Variants in EMG1 observed in about 807,000 individuals in gnomAD.
EMG1 encodes ribosomal RNA small subunit methyltransferase NEP1.
Under a neutral mutation model 26.9 loss-of-function variants are expected in EMG1, and 24 were observed. The ratio of observed to expected loss-of-function variants is 0.89; its 90% CI spans 0.65 to 1.26. The LOEUF (loss-of-function observed/expected upper bound fraction) is 1.26, where lower values mean the gene tolerates loss of function less well. Among genes scored for constraint, EMG1 ranks in the 50% most tolerant of loss-of-function variants. EMG1 has a pLI of 0.00. For missense variants in EMG1, 299 were observed against 307.6 expected, an observed-to-expected ratio of 0.97 and a Z score of 0.21; for synonymous variants, 140 against 112.6, an observed-to-expected ratio of 1.24 and a Z score of -1.54.
downstream of EMG1, among the ~76,000 whole-genome samples, chr12:6,984,136 T>C (rs782815603): frequency 2.6e-5 from 4 of 152,366 alleles, no homozygotes; most frequent in South Asian, 6.2e-4. Flanking sequence ...ACTGCATATA[T>C]AGCAGTTACA....
Position 6,975,116 on chromosome 12 carries a change from C to A in EMG1, c.439C>A (p.Arg147=), listed in dbSNP as rs782181464. Residue 147 remains arginine, a synonymous_variant, in exon 4 of 6, where the codon CGA becomes AGA. Transcript: ENST00000599672. ...MVQLLHKLSV[R]AADGPQKLLK... ...TCAACTTTTACACAAGCTCAGTGTT[C>A]GAGCAGCTGATGGCCCCCAGAAGCT... 1 of 1,613,960 alleles carries A rather than the reference C, an allele frequency of 6.2e-7. No homozygotes were observed. The highest frequency in any genetic ancestry group is 2.2e-5 in the East Asian group (1 of 44,890).
chr12:6,981,581 G>T, downstream of EMG1: 1 of 1,613,694 alleles, frequency 6.2e-7, no homozygotes, highest in Non-Finnish European at 8.5e-7. Context: ...CTCTGCCGAT[G>T]AATGGGTACT....
chr12:6,976,165 G>A lies in EMG1; in HGVS notation c.*356G>A, dbSNP rs1946397360. 5.0e-6 allele frequency: 1 copy of A among 200,204 alleles called. No homozygotes were observed. Among genetic ancestry groups the A allele is most frequent in the Non-Finnish European group, 1.0e-5 (1 of 98,744 alleles). The allele number at this position is 200,204 out of a possible 1,614,324, so 12.4% of individuals were successfully genotyped here. ...TGATGGAGAAGAACTGTGAAAGAGA[G>A]CAGTCAGGAATGCTAGTGGTGAAAA... On this transcript the variant is annotated 3_prime_UTR_variant, in exon 6 of 6. Coordinates refer to ENST00000599672, the MANE Select transcript of EMG1 (RefSeq NM_006331.8).
downstream of EMG1, chr12:6,982,967 T>C: frequency 1.5e-6 from 1 of 668,036 alleles, no homozygotes; most frequent in Non-Finnish European, 2.7e-6. Context: ...TAGGGTGTTA[T>C]TTTATTTCTT....
intron 7 of EMG1, among the ~76,000 whole-genome samples, chr12:6,995,876 GATT>G (rs1555155964): frequency 6.6e-6 from 1 of 151,886 alleles, no homozygotes; most frequent in East Asian, 1.9e-4. Flanking sequence ...ACTATCTCTG[GATT>G]ATTATTATTA....
In EMG1 at chr12:6,975,926, C is replaced by T. The variant is rs951626776; in HGVS notation, c.*117C>T. On this transcript the variant is annotated 3_prime_UTR_variant, in exon 6 of 6. Transcript: ENST00000599672. ...ACTGAGACTGTGGAGTTTGGGGAAG[C>T]CAAGGCTGTACATTTGCTATTTGTT... The T allele has an allele frequency of 4.3e-6, 3 of 690,568 alleles. No individual in the cohort carries two copies. Among genetic ancestry groups the T allele is most frequent in the Non-Finnish European group, 5.2e-6 (2 of 385,790 alleles). 42.8% of individuals were successfully genotyped at this position (690,568 alleles called of 1,614,324 possible).
downstream of EMG1, chr12:6,982,721 C>G (rs1591547505): frequency 6.2e-7 from 1 of 1,614,038 alleles, no homozygotes; most frequent in East Asian, 2.2e-5. Flanking sequence ...TGGTGCGGCC[C>G]ATTAGTCGAA....
At position 6,975,705 on chromosome 12, in the gene EMG1, G is replaced by C; in HGVS notation, c.631G>C (p.Glu211Gln). The C allele has an allele frequency of 6.2e-7, 1 of 1,607,276 alleles. No individual in the cohort carries two copies. The highest frequency in any genetic ancestry group is 8.5e-7 in the Non-Finnish European group (1 of 1,173,768). ...ACTGTTCTTTTCTTAGGTCAGTGTGGAGTATACAGAGAAGATGGTGTCCAT... is the reference window on the plus strand; with the variant it reads ...ACTGTTCTTTTCTTAGGTCAGTGTGCAGTATACAGAGAAGATGGTGTCCAT... ...GAFAHGKVSVEYTEKMVSISN... is the reference protein window; with the variant it reads ...GAFAHGKVSVQYTEKMVSISN... The change falls in exon 6 of 6, where the codon GAG (glutamate) becomes CAG (glutamine). Residue 211 changes from glutamate to glutamine, a missense_variant. By Grantham distance (29) the Glu-to-Gln change is conservative (BLOSUM62 2). Coordinates refer to ENST00000599672, the MANE Select transcript of EMG1 (RefSeq NM_006331.8).
intron 1 of EMG1, among the ~76,000 whole-genome samples, chr12:6,973,934 C>G (rs1946362468): frequency 6.6e-6 from 1 of 152,244 alleles, no homozygotes; most frequent in South Asian, 2.1e-4. Context: ...TGCACAGTAC[C>G]TACTTACTGC....
At position 6,979,130 on chromosome 12, in the gene EMG1, C is replaced by G; in HGVS notation, c.*3321C>G. ...GGTTTCTGAATTCCCTAGAAGTGCC[C>G]AAATGTATCAGTCAAGAGAAGAAAA... On this transcript the variant is annotated 3_prime_UTR_variant, in exon 6 of 6. Transcript: ENST00000599672. The G allele has an allele frequency of 3.0e-6, 1 of 337,538 alleles. No individual in the cohort carries two copies. The highest frequency in any genetic ancestry group is 4.5e-5 in the Admixed American group (1 of 22,084). 20.9% of individuals were successfully genotyped at this position (337,538 alleles called of 1,614,324 possible). A position where few individuals can be genotyped will look rare whatever the true frequency, so the allele number is the denominator to read the frequency against.
chr12:6,989,523 C>T (rs1555155217), downstream of EMG1, among the ~76,000 whole-genome samples: 1 of 152,018 alleles, frequency 6.6e-6, no homozygotes, highest in Non-Finnish European at 1.5e-5. Flanking sequence ...TGGTCTCGAT[C>T]TCCTGACCTC....
intron 7 of EMG1, among the ~76,000 whole-genome samples, chr12:6,996,487 A>G (rs1241074066): frequency 6.6e-6 from 1 of 152,186 alleles, no homozygotes; most frequent in African/African-American, 2.4e-5. Flanking sequence ...AGTCTTTCAA[A>G]GCAGGGATTA....
At chr12:6,974,295 A>G (rs1555152657) in intron 1 of EMG1, 44 bp from the exon 2 acceptor site, 1 of 1,436,384 alleles carries the variant, frequency 7.0e-7, no homozygotes, top group Admixed American at 1.9e-5. Context: ...GGGCTAGGTA[A>G]CAGAAGCTTA....
chr12:6,985,853 C>T (rs1360042076), intron 6 of EMG1, among the ~76,000 whole-genome samples: 3 of 150,660 alleles, frequency 2.0e-5, no homozygotes, highest in Non-Finnish European at 4.4e-5. Context: ...CAGCTCACTG[C>T]AACCTCCGGC....
intron 1 of EMG1, among the ~76,000 whole-genome samples, chr12:6,971,902 C>G (rs782187740): frequency 6.6e-6 from 1 of 152,184 alleles, no homozygotes; most frequent in Non-Finnish European, 1.5e-5. Context: ...TATCATTCAT[C>G]TCTTTCCCCA....
At chr12:6,991,944 C>T (rs1946593683), downstream of EMG1, among the ~76,000 whole-genome samples, 1 of 152,064 alleles carries the variant, frequency 6.6e-6, no homozygotes, top group Admixed American at 6.6e-5. Flanking sequence ...CACCTCCCAG[C>T]ACTCTGGGAG....
In EMG1 at chr12:6,984,958, T is replaced by C. The variant is rs1002955711; in HGVS notation, c.*154+1752T>C. ...TGGGCAATACAGTTTACTGTGAGTT[T>C]GCTTAACTCTAAAACGCTTAGAATA... On this transcript the variant is annotated intron_variant and NMD_transcript_variant, in intron 6 of 7. Coordinates refer to the EMG1 transcript ENST00000261406. Among the ~76,000 whole-genome samples the C allele has an allele frequency of 4.6e-5, 7 of 152,274 alleles. No individual in the cohort carries two copies. In the East Asian group the frequency reaches 1.3e-3, roughly 29 times the overall value.
rs1233754647 is a variant in EMG1, at chr12:6,976,266, C to G, written c.*457C>G. The G allele has an allele frequency of 1.3e-5, 2 of 154,238 alleles. No individual in the cohort carries two copies. The highest frequency in any genetic ancestry group is 3.8e-4 in the East Asian group (2 of 5,220). The allele number at this position is 154,238 out of a possible 1,614,324, so 9.6% of individuals were successfully genotyped here. A position where few individuals can be genotyped will look rare whatever the true frequency, so the allele number is the denominator to read the frequency against. On this transcript the variant is annotated 3_prime_UTR_variant, in exon 6 of 6. Coordinates refer to ENST00000599672, the MANE Select transcript of EMG1 (RefSeq NM_006331.8). Reference sequence around the variant, plus strand: ...GTGGAGCAGGCAGGGCCTTGCACCCCTCTCCACCCCCCCATGGGGGGGGTG... The same window carrying G: ...GTGGAGCAGGCAGGGCCTTGCACCCGTCTCCACCCCCCCATGGGGGGGGTG...
chr12:6,977,466 G>C lies in EMG1; in HGVS notation c.*1657G>C. 6.2e-7 allele frequency: 1 copy of C among 1,614,200 alleles called. No individual in the cohort carries two copies. The highest frequency in any genetic ancestry group is 1.1e-5 in the South Asian group (1 of 91,076). Reference sequence around the variant, plus strand: ...GTTGCACCAAATAGTAGAAGGGCTGGAGGACAGTAATGGCGGCCAGCTTGC... The same window carrying C: ...GTTGCACCAAATAGTAGAAGGGCTGCAGGACAGTAATGGCGGCCAGCTTGC... On this transcript the variant is annotated 3_prime_UTR_variant, in exon 6 of 6. Transcript: ENST00000599672. This position sits in a 1 kb window ranked among gnomAD's most constrained non-coding sequence, Gnocchi z 4.5.
Sources: gnomAD v4.1 joint callset for allele counts (sites outside exome capture counted in the v4.1 genomes callset) on GRCh38, gnomAD v4.1.1 for gene constraint, Gnocchi (gnomAD v3.1) non-coding constraint, MANE v1.5 for transcripts, NCBI Gene and HGNC (gene_info 2026-07-23, HGNC 2026-07-21) for gene names.